The following DOCK4 variants were observed in gnomAD, a reference collection of about 807,000 sequenced individuals.
The protein encoded by DOCK4 is dedicator of cytokinesis 4, also known as dedicator of cytokinesis protein 4.
Under a neutral mutation model 268.1 loss-of-function variants are expected in DOCK4, and 97 were observed. That is an observed-to-expected ratio of 0.36 (90% confidence interval 0.31 to 0.43). DOCK4 has a LOEUF of 0.43. Among genes scored for constraint, DOCK4 ranks in the 20% least tolerant of loss-of-function variants. DOCK4 has a pLI of 1.00. For missense variants in DOCK4, 2,145 were observed against 2,455.7 expected (o/e 0.87, Z 2.67); for synonymous variants, 954 against 887.2 (o/e 1.08, Z -1.34).
intron 1 of DOCK4, among the ~76,000 whole-genome samples, chr7:112,048,698 G>A (rs1274271162): frequency 2.0e-5 from 3 of 147,148 alleles, no homozygotes; most frequent in Non-Finnish European, 4.5e-5. Context: ...AGAAAGTAGA[G>A]AAACGTCTCT....
chr7:112,196,070 T>C lies in DOCK4; in HGVS notation c.37+10032A>G, dbSNP rs1327305285. 2.0e-5 allele frequency among the ~76,000 whole-genome samples: 3 copies of C among 152,354 alleles called. No individual in the cohort carries two copies. In the East Asian group the frequency reaches 5.8e-4, roughly 29 times the overall value. On this transcript the variant is annotated intron_variant, in intron 1 of 52. Transcript: ENST00000428084. The stretch of plus-strand genomic sequence containing the variant: ...CGTTCATTGCTAAGTGACAGATGCC[T>C]GTCCAGATTTAGTTGCCTTCCCGCT...
chr7:112,068,720 CT>C (rs2135653970), intron 1 of DOCK4, among the ~76,000 whole-genome samples: 1 of 152,278 alleles, frequency 6.6e-6, no homozygotes, highest in Non-Finnish European at 1.5e-5. Flanking sequence ...GACATGGTGT[CT>C]CATTCATCCT....
chr7:111,750,102 A>G (rs1207897419), intron 42 of DOCK4, among the ~76,000 whole-genome samples: 1 of 152,224 alleles, frequency 6.6e-6, no homozygotes, highest in Non-Finnish European at 1.5e-5. Flanking sequence ...TCATTGGAGA[A>G]ATAGCTGCTT....
intron 26 of DOCK4, among the ~76,000 whole-genome samples, chr7:111,823,853 G>GT (rs1323328303): frequency 6.6e-6 from 1 of 152,208 alleles, no homozygotes; most frequent in African/African-American, 2.4e-5. Context: ...CTGCTTGAAT[G>GT]TAAGATTATG....
intron 1 of DOCK4, among the ~76,000 whole-genome samples, chr7:112,087,003 G>A (rs1211254726): frequency 6.6e-6 from 1 of 152,044 alleles, no homozygotes; most frequent in African/African-American, 2.4e-5. Flanking sequence ...TGGGTAAGAA[G>A]GAAGAAAAGA....
At chr7:111,911,215 C>A (rs973542841) in intron 13 of DOCK4, among the ~76,000 whole-genome samples, 5 of 151,824 alleles carry the variant, frequency 3.3e-5, no homozygotes, top group Non-Finnish European at 7.4e-5. Flanking sequence ...ATTATGCTTG[C>A]AGACGGTCAG....
At chr7:112,007,832 T>C (rs564819748) in intron 1 of DOCK4, among the ~76,000 whole-genome samples, 128 of 152,344 alleles carry the variant, frequency 8.4e-4, no homozygotes, top group Non-Finnish European at 1.4e-3. Flanking sequence ...TCAAATTCTA[T>C]TTGGAAACAA....
chr7:112,003,836 A>T (rs1800635451), intron 2 of DOCK4, among the ~76,000 whole-genome samples: 2 of 152,234 alleles, frequency 1.3e-5, no homozygotes, highest in South Asian at 2.1e-4. Context: ...GTTTGCATCT[A>T]ATGATTATAA....
chr7:112,197,215 T>C lies in DOCK4; in HGVS notation c.37+8887A>G, dbSNP rs539466992. ...GCCATCATAAGCTAGAATTCCTTCCTTTAAGTCACTTATTTTTCAGGAGTG... is the reference window on the plus strand; with the variant it reads ...GCCATCATAAGCTAGAATTCCTTCCCTTAAGTCACTTATTTTTCAGGAGTG... On this transcript the variant is annotated intron_variant, in intron 1 of 52. Coordinates refer to ENST00000428084, the MANE Select transcript of DOCK4 (RefSeq NM_001363540.2). Among the ~76,000 whole-genome samples the C allele has an allele frequency of 2.0e-5, 3 of 152,248 alleles. No individual in the cohort carries two copies. In the East Asian group the frequency reaches 5.8e-4, roughly 29 times the overall value.
At chr7:111,846,233 T>C (rs1053084126) in intron 24 of DOCK4, among the ~76,000 whole-genome samples, 1 of 152,188 alleles carries the variant, frequency 6.6e-6, no homozygotes, top group Non-Finnish European at 1.5e-5. Flanking sequence ...GGAACAGGAT[T>C]CTTGGCACTC....
chr7:112,042,551 A>G (rs1205340137), intron 1 of DOCK4, among the ~76,000 whole-genome samples: 1 of 152,238 alleles, frequency 6.6e-6, no homozygotes, highest in African/African-American at 2.4e-5. Context: ...ATGACAAAAA[A>G]ACAGAGCAAA....
chr7:112,100,826 C>T (rs259308), intron 1 of DOCK4, among the ~76,000 whole-genome samples: 49,400 of 151,966 alleles, frequency 0.33, 8,596 homozygotes, highest in Non-Finnish European at 0.39. Context: ...TATATATCTA[C>T]ATAGAGATAG....
At chr7:112,116,336 T>C (rs1300361193) in intron 1 of DOCK4, among the ~76,000 whole-genome samples, 3 of 152,232 alleles carry the variant, frequency 2.0e-5, no homozygotes, top group Non-Finnish European at 4.4e-5. Flanking sequence ...GTAGTATGTA[T>C]CAGTACTTCA....
intron 12 of DOCK4, among the ~76,000 whole-genome samples, chr7:111,934,590 C>T (rs1435186391): frequency 4.3e-5 from 6 of 140,696 alleles, no homozygotes; most frequent in Admixed American, 1.5e-4. Context: ...AGTGCAGTGG[C>T]GCGACCTTGG....
In DOCK4 at chr7:111,769,521, C is replaced by A. The variant is rs941281864; in HGVS notation, c.3828+8G>T. On this transcript the variant is annotated splice_region_variant and intron_variant, in intron 37 of 52. Coordinates refer to ENST00000428084, the MANE Select transcript of DOCK4 (RefSeq NM_001363540.2). ...AGGAGGGACCCCGGGCGGGGCAGGG[C>A]CACTTACTTTGCCTCTGTCAAAGTT... The A allele has an allele frequency of 6.2e-7, 1 of 1,613,316 alleles. No homozygotes were observed. The highest frequency in any genetic ancestry group is 1.1e-5 in the South Asian group (1 of 91,050).
At chr7:112,127,207 A>C (rs1023901233) in intron 1 of DOCK4, among the ~76,000 whole-genome samples, 3 of 151,950 alleles carry the variant, frequency 2.0e-5, no homozygotes, top group Non-Finnish European at 2.9e-5. Flanking sequence ...TGGCACATAT[A>C]CACCATGGAA....
Position 111,977,274 on chromosome 7 carries a change from G to A in DOCK4, c.559C>T (p.Arg187Ter), listed in dbSNP as rs374816878. 2 of 1,596,852 alleles carry A rather than the reference G, an allele frequency of 1.3e-6. No homozygotes were observed. Among genetic ancestry groups the A allele is most frequent in the Non-Finnish European group, 8.5e-7 (1 of 1,171,370 alleles). Residue 187 changes from arginine to a stop codon, truncating the protein, a stop_gained, in exon 8 of 53, where the codon CGA becomes TGA. Transcript: ENST00000428084. LOFTEE classifies it high-confidence loss of function. ...ACCGGGGTGTCTTTCTTCCGATGTC[G>A]ATGTTCCATCTGAATGACACCCCCC... Reference protein sequence around the residue: ...ITELYRLMEHRHRKKDTPVQA... With the variant: ...ITELYRLMEH
rs1318311312 is a variant in DOCK4 at position 111,726,199 on chromosome 7, C to A, written c.*2075G>T. The A allele has an allele frequency of 6.6e-6, 1 of 152,640 alleles. No individual in the cohort carries two copies. The highest frequency in any genetic ancestry group is 2.1e-4 in the South Asian group (1 of 4,828). The allele number at this position is 152,640 out of a possible 1,614,324, so 9.5% of individuals were successfully genotyped here. A position where few individuals can be genotyped will look rare whatever the true frequency, so the allele number is the denominator to read the frequency against. On this transcript the variant is annotated 3_prime_UTR_variant, in exon 53 of 53. Transcript: ENST00000428084. ...GGCTAACAGAATCTCTTAAAATGTT[C>A]TGCTATGTAGCTGCTTCAGAAATAC...
intron 1 of DOCK4, 41 bp from the exon 2 acceptor site, chr7:112,004,172 C>A (rs1483956080): frequency 1.4e-6 from 2 of 1,439,692 alleles, no homozygotes; most frequent in Non-Finnish European, 1.9e-6. Context: ...CAATCATGTC[C>A]ATTACAGCTT....
Sources: allele counts gnomAD v4.1 joint callset (sites outside exome capture counted in the v4.1 genomes callset), GRCh38; gene constraint gnomAD v4.1.1; transcripts MANE v1.5; gene names NCBI Gene and HGNC (gene_info 2026-07-23, HGNC 2026-07-21).